The following KCNQ5 variants were observed in gnomAD, a reference collection of about 807,000 sequenced individuals.
The protein encoded by KCNQ5 is potassium voltage-gated channel subfamily Q member 5.
A neutral mutation model predicts 98.2 loss-of-function variants in KCNQ5; 30 were observed. The observed-to-expected ratio is 0.31, with a 90% CI of 0.23 to 0.41. The LOEUF is 0.41. KCNQ5 is among the 10% of genes least tolerant of loss of function. KCNQ5 has a pLI of 1.00. For missense variants in KCNQ5, 835 were observed against 1,182.5 expected (o/e 0.71, Z 4.31); for synonymous variants, 458 against 449.4 (o/e 1.02, Z -0.24).
chr6:73,014,303 T>C (rs1048577007), intron 2 of KCNQ5, among the ~76,000 whole-genome samples: 10 of 152,238 alleles, frequency 6.6e-5, no homozygotes, highest in African/African-American at 1.9e-4. Flanking sequence ...GAGAACTCCA[T>C]TTGATGAAAG....
chr6:72,791,068 G>T (rs1007724785), intron 1 of KCNQ5, among the ~76,000 whole-genome samples: 1 of 152,188 alleles, frequency 6.6e-6, no homozygotes, highest in Admixed American at 6.5e-5. Context: ...AAATAAACAG[G>T]ATGTGGTCTT....
At chr6:72,669,706 A>G (rs1271892465) in intron 1 of KCNQ5, among the ~76,000 whole-genome samples, 2 of 152,174 alleles carry the variant, frequency 1.3e-5, no homozygotes, top group African/African-American at 4.8e-5. Flanking sequence ...AAGAAGTTCG[A>G]CAGCCTTCTG....
intron 1 of KCNQ5, among the ~76,000 whole-genome samples, chr6:72,812,240 A>ACCT (rs1312544688): frequency 1.1e-4 from 17 of 151,906 alleles, no homozygotes; most frequent in Admixed American, 1.1e-3. Context: ...AGTCCTGCCG[A>ACCT]CCTCCTGTCT....
chr6:72,662,756 T>C (rs56897294), intron 1 of KCNQ5, among the ~76,000 whole-genome samples: 5,892 of 152,268 alleles, frequency 0.039, 126 homozygotes, highest in Middle Eastern at 0.13. Context: ...ACTGTTTTGT[T>C]TTGTTTAAGC....
chr6:72,637,377 A>G (rs2098924809), intron 1 of KCNQ5, among the ~76,000 whole-genome samples: 1 of 151,962 alleles, frequency 6.6e-6, no homozygotes, highest in Non-Finnish European at 1.5e-5. Flanking sequence ...AGAACACAAT[A>G]TGCAGTGGAC....
chr6:72,900,826 AT>A lies in KCNQ5; in HGVS notation c.399-103075del, dbSNP rs978758029. Among the ~76,000 whole-genome samples the A allele has an allele frequency of 3.3e-5, 5 of 151,308 alleles. No homozygotes were observed. The East Asian group carries it at 9.7e-4, about 29-fold the overall frequency. On this transcript the variant is annotated intron_variant, in intron 1 of 13. Transcript: ENST00000370398. The stretch of plus-strand genomic sequence containing the variant: ...CACGCCAACACCTACTGTTTTTTTT[AT>A]TTTTTTATGGCCATTCTTGCAGGAA...
intron 1 of KCNQ5, among the ~76,000 whole-genome samples, chr6:72,729,061 T>C (rs753607405): frequency 2.3e-4 from 35 of 152,286 alleles, no homozygotes; most frequent in Non-Finnish European, 4.4e-4. Flanking sequence ...TTAATATATA[T>C]CATAGATTTT....
intron 1 of KCNQ5, among the ~76,000 whole-genome samples, chr6:72,972,976 A>C (rs1266669024): frequency 4.6e-5 from 7 of 152,216 alleles, no homozygotes; most frequent in Admixed American, 4.6e-4. Context: ...GGAAGTAGTG[A>C]AACTAAACTA....
At chr6:72,738,475 C>A (rs1172492235) in intron 1 of KCNQ5, among the ~76,000 whole-genome samples, 1 of 151,994 alleles carries the variant, frequency 6.6e-6, no homozygotes, top group Non-Finnish European at 1.5e-5. Flanking sequence ...TTTAGTATAT[C>A]TAAAACAGTA....
intron 1 of KCNQ5, among the ~76,000 whole-genome samples, chr6:72,711,596 G>A (rs955033250): frequency 6.6e-6 from 1 of 152,102 alleles, no homozygotes; most frequent in Non-Finnish European, 1.5e-5. Flanking sequence ...TATCCTAAAG[G>A]GCTGACATGA....
intron 1 of KCNQ5, among the ~76,000 whole-genome samples, chr6:72,920,450 G>T (rs554973704): frequency 2.0e-5 from 3 of 152,046 alleles, no homozygotes; most frequent in Non-Finnish European, 4.4e-5. Context: ...GTTGGAATAC[G>T]CATCTAAGAT....
intron 1 of KCNQ5, among the ~76,000 whole-genome samples, chr6:72,689,611 T>C (rs1376778241): frequency 6.6e-6 from 1 of 152,206 alleles, no homozygotes; most frequent in African/African-American, 2.4e-5. Context: ...TAACTAAAAA[T>C]TGGAAGATTA....
chr6:73,014,193 G>A (rs925346357), intron 2 of KCNQ5, among the ~76,000 whole-genome samples: 15 of 152,076 alleles, frequency 9.9e-5, no homozygotes, highest in African/African-American at 3.6e-4. Context: ...ACTGTCTGGA[G>A]TGCATTTCCT....
intron 3 of KCNQ5, among the ~76,000 whole-genome samples, chr6:73,068,700 A>ATATAGCATGTT (rs1305518442): frequency 6.6e-6 from 1 of 152,180 alleles, no homozygotes; most frequent in Non-Finnish European, 1.5e-5. Context: ...TCTGGAAGGG[A>ATATAGCATGTT]TATAGCATGT....
intron 1 of KCNQ5, among the ~76,000 whole-genome samples, chr6:72,790,016 C>A (rs1773952138): frequency 6.6e-6 from 1 of 152,050 alleles, no homozygotes; most frequent in Non-Finnish European, 1.5e-5. Context: ...CCTGCAGCGT[C>A]CAAATAGAAT....
At chr6:73,191,699 G>A (rs1390652254) in intron 12 of KCNQ5, among the ~76,000 whole-genome samples, 1 of 152,068 alleles carries the variant, frequency 6.6e-6, no homozygotes, top group Non-Finnish European at 1.5e-5. Context: ...TAATTATTGA[G>A]CCCATCATGT....
At chr6:73,092,032 T>C (rs528672380) in intron 5 of KCNQ5, among the ~76,000 whole-genome samples, 1 of 152,278 alleles carries the variant, frequency 6.6e-6, no homozygotes, top group South Asian at 2.1e-4. Context: ...GTTTTCCATG[T>C]AGAGGTCTTT....
At chr6:72,917,772 G>A (rs1780219657) in intron 1 of KCNQ5, among the ~76,000 whole-genome samples, 1 of 151,998 alleles carries the variant, frequency 6.6e-6, no homozygotes, top group Non-Finnish European at 1.5e-5. Context: ...TGCGCGGCCA[G>A]GAGCTCCCTT....
At chr6:73,138,145 C>G (rs537035888) in intron 10 of KCNQ5, among the ~76,000 whole-genome samples, 6 of 152,186 alleles carry the variant, frequency 3.9e-5, no homozygotes, top group Non-Finnish European at 8.8e-5. Flanking sequence ...CCATACTGGT[C>G]TGTGTCTATT....
Sources: gnomAD v4.1 joint callset for allele counts (sites outside exome capture counted in the v4.1 genomes callset) on GRCh38, gnomAD v4.1.1 for gene constraint, MANE v1.5 for transcripts, NCBI Gene and HGNC (gene_info 2026-07-23, HGNC 2026-07-21) for gene names.